NRXN3: variants seen among roughly 807,000 people sequenced by gnomAD.
NRXN3 encodes neurexin 3, also known as neurexin III.
Under a neutral mutation model 137.6 loss-of-function variants are expected in NRXN3, and 32 were observed. The observed-to-expected ratio is 0.23, with a 90% CI of 0.18 to 0.31. The LOEUF is 0.31. NRXN3 is among the 10% of genes least tolerant of loss of function. NRXN3 has a pLI of 1.00. For missense variants in NRXN3, 1,574 were observed against 2,062.5 expected (o/e 0.76, Z 4.59); for synonymous variants, 798 against 784.5 (o/e 1.02, Z -0.29).
At chr14:78,800,258 A>G (rs915759142) in intron 8 of NRXN3, among the ~76,000 whole-genome samples, 1 of 152,172 alleles carries the variant, frequency 6.6e-6, no homozygotes, top group Non-Finnish European at 1.5e-5. Context: ...CAGTTCTGCC[A>G]TTTATTAGCC....
intron 15 of NRXN3, among the ~76,000 whole-genome samples, chr14:79,405,080 G>A (rs1476749562): frequency 6.6e-6 from 1 of 152,108 alleles, no homozygotes; most frequent in Non-Finnish European, 1.5e-5. Flanking sequence ...AGGTTGCCAT[G>A]GCAACAAAAG....
intron 4 of NRXN3, among the ~76,000 whole-genome samples, chr14:78,345,340 A>G (rs536875764): frequency 1.3e-5 from 2 of 152,342 alleles, no homozygotes; most frequent in South Asian, 4.1e-4. Flanking sequence ...CTCCCTGCTA[A>G]TGTAAATCGC....
At chr14:78,941,249 A>G (rs1038586155) in intron 10 of NRXN3, among the ~76,000 whole-genome samples, 10 of 152,192 alleles carry the variant, frequency 6.6e-5, no homozygotes, top group Non-Finnish European at 1.5e-4. Context: ...CGCTGCATCT[A>G]ACTGGGGGAT....
At chr14:78,669,647 T>C (rs1404634796) in intron 6 of NRXN3, among the ~76,000 whole-genome samples, 3 of 152,234 alleles carry the variant, frequency 2.0e-5, no homozygotes, top group African/African-American at 7.2e-5. Flanking sequence ...TCTTGCTTCA[T>C]TGCTTTTTCC....
At chr14:78,308,626 A>G (rs1290394731) in intron 4 of NRXN3, among the ~76,000 whole-genome samples, 1 of 152,120 alleles carries the variant, frequency 6.6e-6, no homozygotes, top group African/African-American at 2.4e-5. Flanking sequence ...TTACTTAAAG[A>G]TAAGCTAATG....
At chr14:78,933,389 T>G (rs1264261485) in intron 10 of NRXN3, among the ~76,000 whole-genome samples, 1 of 152,256 alleles carries the variant, frequency 6.6e-6, no homozygotes. Context: ...ATAGAATATT[T>G]CAGTAAGCAC....
At chr14:79,737,349 TATCTC>T (rs2098945613) in intron 19 of NRXN3, among the ~76,000 whole-genome samples, 1 of 152,238 alleles carries the variant, frequency 6.6e-6, no homozygotes, top group Non-Finnish European at 1.5e-5. Context: ...TATTGGGAGT[TATCTC>T]AGCTAAATAA....
intron 15 of NRXN3, among the ~76,000 whole-genome samples, chr14:79,039,949 C>T (rs1441842472): frequency 6.6e-6 from 1 of 152,122 alleles, no homozygotes; most frequent in Non-Finnish European, 1.5e-5. Flanking sequence ...AATGATCTTC[C>T]TGCCTCAGCC....
At chr14:79,618,913 A>G (rs2098191579) in intron 16 of NRXN3, among the ~76,000 whole-genome samples, 1 of 152,098 alleles carries the variant, frequency 6.6e-6, no homozygotes, top group Non-Finnish European at 1.5e-5. Context: ...GACTGGTGTG[A>G]GATGATATCT....
At chr14:78,172,515 C>T (rs1285198729) in intron 1 of NRXN3, among the ~76,000 whole-genome samples, 1 of 152,066 alleles carries the variant, frequency 6.6e-6, no homozygotes, top group African/African-American at 2.4e-5. Flanking sequence ...ATGGGGCAAA[C>T]GATATTTCAG....
intron 1 of NRXN3, among the ~76,000 whole-genome samples, chr14:78,218,040 T>A (rs1457869196): frequency 1.3e-5 from 2 of 152,242 alleles, no homozygotes; most frequent in African/African-American, 4.8e-5. Context: ...TTAACATTTT[T>A]AAAGATTTAT....
chr14:79,509,529 T>C (rs1162170459), intron 16 of NRXN3, among the ~76,000 whole-genome samples: 1 of 124,298 alleles, frequency 8.0e-6, no homozygotes, highest in East Asian at 2.1e-4. Context: ...AAAATATATA[T>C]ATATTATATA....
chr14:79,282,451 T>C (rs2081431026), intron 15 of NRXN3, among the ~76,000 whole-genome samples: 1 of 152,102 alleles, frequency 6.6e-6, no homozygotes, highest in South Asian at 2.1e-4. Context: ...AGTGATGGAA[T>C]TTGCAGAGCA....
intron 15 of NRXN3, among the ~76,000 whole-genome samples, chr14:79,357,383 C>T (rs539444299): frequency 6.6e-6 from 1 of 152,170 alleles, no homozygotes; most frequent in Non-Finnish European, 1.5e-5. Context: ...CAAAGCAAAG[C>T]AAACCAACAT....
intron 1 of NRXN3, among the ~76,000 whole-genome samples, chr14:78,179,859 G>A (rs888208426): frequency 5.8e-5 from 3 of 51,888 alleles, no homozygotes; most frequent in Non-Finnish European, 8.3e-5. Flanking sequence ...TTTTTTTCTT[G>A]TTTTAGACAG....
intron 8 of NRXN3, among the ~76,000 whole-genome samples, chr14:78,734,226 C>T (rs1206391131): frequency 6.6e-6 from 1 of 151,410 alleles, no homozygotes; most frequent in Non-Finnish European, 1.5e-5. Context: ...CACACACACA[C>T]ACACACACAC....
At chr14:78,439,818 A>G (rs1445183106) in intron 4 of NRXN3, among the ~76,000 whole-genome samples, 2 of 152,194 alleles carry the variant, frequency 1.3e-5, no homozygotes, top group African/African-American at 4.8e-5. Context: ...TCTGCTTCCC[A>G]GGAAGCGAAC....
intron 15 of NRXN3, among the ~76,000 whole-genome samples, chr14:79,080,964 C>CT (rs1367356731): frequency 4.6e-5 from 7 of 151,986 alleles, no homozygotes; most frequent in Non-Finnish European, 5.9e-5. Context: ...CCCCCATTAA[C>CT]TTTTTTTTGT....
Position 78,767,023 on chromosome 14 carries a change from G to A in NRXN3, c.2045-36597G>A, listed in dbSNP as rs545414367. ...TGCATAACAAATTACTAGGGACTTA[G>A]CTGCTTAAAACAACACACATTGATT... On this transcript the variant is annotated intron_variant, in intron 8 of 20. Coordinates refer to ENST00000335750, the MANE Select transcript of NRXN3 (RefSeq NM_001330195.2). Among the ~76,000 whole-genome samples the A allele has an allele frequency of 1.3e-5, 2 of 152,170 alleles. 1 individual carries two copies. Among genetic ancestry groups the A allele is most frequent in the South Asian group, 4.1e-4 (2 of 4,830 alleles).
Sources: allele counts gnomAD v4.1 joint callset (sites outside exome capture counted in the v4.1 genomes callset), GRCh38; gene constraint gnomAD v4.1.1; transcripts MANE v1.5; gene names NCBI Gene and HGNC (gene_info 2026-07-23, HGNC 2026-07-21).